Variants in CCSER2 observed in about 807,000 individuals in gnomAD.
CCSER2 encodes serine-rich coiled-coil domain-containing protein 2.
Under a neutral mutation model 92.3 loss-of-function variants are expected in CCSER2, and 46 were observed. The observed-to-expected ratio is 0.50, with a 90% CI of 0.39 to 0.64. The LOEUF (loss-of-function observed/expected upper bound fraction) is 0.64. Among genes scored for constraint, CCSER2 ranks in the 30% least tolerant of loss-of-function variants. The pLI is 0.00. For missense variants in CCSER2, 1,244 were observed against 1,238.9 expected (o/e 1.00, Z -0.06); for synonymous variants, 433 against 431.4 (o/e 1.00, Z -0.04).
intron 9 of CCSER2, among the ~76,000 whole-genome samples, chr10:84,488,909 A>C (rs1448781860): frequency 1.3e-5 from 2 of 152,158 alleles, no homozygotes; most frequent in African/African-American, 4.8e-5. Flanking sequence ...CACTGCTTCA[A>C]ATGTGTCCCA....
At chr10:84,440,213 C>G (rs1173847612) in intron 6 of CCSER2, among the ~76,000 whole-genome samples, 1 of 152,090 alleles carries the variant, frequency 6.6e-6, no homozygotes, top group Non-Finnish European at 1.5e-5. Context: ...CTTAATGGTT[C>G]TTTTCTGTCA....
At chr10:84,395,467 A>G (rs897078767) in intron 3 of CCSER2, among the ~76,000 whole-genome samples, 4 of 152,120 alleles carry the variant, frequency 2.6e-5, no homozygotes. Context: ...AAGTAATTAA[A>G]TATTTTTCAA....
chr10:84,354,129 G>A (rs1377684838), intron 1 of CCSER2, among the ~76,000 whole-genome samples: 2 of 152,110 alleles, frequency 1.3e-5, no homozygotes, highest in Non-Finnish European at 2.9e-5. Flanking sequence ...AGCCCAGGAG[G>A]TCGAGGCTGC....
At chr10:84,468,683 C>A (rs1846599181) in intron 7 of CCSER2, among the ~76,000 whole-genome samples, 1 of 152,134 alleles carries the variant, frequency 6.6e-6, no homozygotes, top group Admixed American at 6.5e-5. Context: ...CATGAAGTTG[C>A]TACATTTTAT....
At chr10:84,452,039 GA>G (rs778964781) in intron 6 of CCSER2, among the ~76,000 whole-genome samples, 8 of 151,876 alleles carry the variant, frequency 5.3e-5, no homozygotes, top group African/African-American at 1.2e-4. Flanking sequence ...ATTTAAAAAA[GA>G]AAAAAAACTT....
intron 1 of CCSER2, among the ~76,000 whole-genome samples, chr10:84,359,371 T>C (rs1408650714): frequency 6.6e-6 from 1 of 152,120 alleles, no homozygotes; most frequent in African/African-American, 2.4e-5. Flanking sequence ...CAAGAACAGG[T>C]TAAACTAATT....
intron 9 of CCSER2, among the ~76,000 whole-genome samples, chr10:84,509,697 C>T (rs1470265328): frequency 2.0e-5 from 3 of 152,126 alleles, no homozygotes; most frequent in African/African-American, 7.2e-5. Context: ...TAACCAAGCC[C>T]TCCACAAGTT....
chr10:84,515,208 G>A lies in CCSER2; in HGVS notation c.*941G>A, dbSNP rs1406305929. On this transcript the variant is annotated 3_prime_UTR_variant, in exon 10 of 10. Coordinates refer to ENST00000372088, the MANE Select transcript of CCSER2 (RefSeq NM_001284240.2). ...TAATATTTATATTTATTGATTTTCT[G>A]CTAATATCTGAAGACTGAAATAATG... 6.6e-6 allele frequency: 1 copy of A among 152,482 alleles called. No individual in the cohort carries two copies. Among genetic ancestry groups the A allele is most frequent in the African/African-American group, 2.4e-5 (1 of 41,362 alleles). The allele number at this position is 152,482 out of a possible 1,614,324, so 9.4% of individuals were successfully genotyped here.
At chr10:84,348,880 T>C (rs1468708049) in intron 1 of CCSER2, among the ~76,000 whole-genome samples, 1 of 152,160 alleles carries the variant, frequency 6.6e-6, no homozygotes, top group East Asian at 1.9e-4. Context: ...CTTTCATATA[T>C]ATGTATATAT....
chr10:84,475,705 A>G (rs1229009178), intron 8 of CCSER2, among the ~76,000 whole-genome samples: 1 of 152,214 alleles, frequency 6.6e-6, no homozygotes, highest in Non-Finnish European at 1.5e-5. Flanking sequence ...TGGAATAAGT[A>G]AAGTGTTTTC....
rs1589718623 is a variant in CCSER2, at chr10:84,457,310, TATATA to T, written c.2065-6617_2065-6613del. ...ATTATATATTATATATAATATGTTA[TATATA>T]ATATATTATATATAATATATTATAT... On this transcript the variant is annotated intron_variant, in intron 6 of 9. Transcript: ENST00000372088. Among the ~76,000 whole-genome samples the T allele has an allele frequency of 7.3e-5, 6 of 82,602 alleles. No individual in the cohort carries two copies. In the East Asian group the frequency reaches 9.6e-4, roughly 13 times the overall value. 54.2% of individuals were successfully genotyped at this position (82,602 alleles called of 152,430 possible).
At chr10:84,339,694 C>T (rs578143633) in intron 1 of CCSER2, among the ~76,000 whole-genome samples, 7 of 150,944 alleles carry the variant, frequency 4.6e-5, no homozygotes, top group Admixed American at 1.3e-4. Flanking sequence ...AGGCTGGTCT[C>T]GAACTCCCAA....
intron 6 of CCSER2, among the ~76,000 whole-genome samples, chr10:84,448,352 C>G (rs181265630): frequency 2.6e-5 from 4 of 152,234 alleles, no homozygotes; most frequent in African/African-American, 9.6e-5. Context: ...AAGTTTGACT[C>G]TAATATCAAG....
At position 84,417,773 on chromosome 10, in the gene CCSER2, T is replaced by A; in HGVS notation, c.1617T>A (p.Asp539Glu). The A allele has an allele frequency of 2.7e-6, 4 of 1,507,404 alleles. No individual in the cohort carries two copies. The highest frequency in any genetic ancestry group is 3.7e-6 in the Non-Finnish European group (4 of 1,082,862). The allele number at this position is 1,507,404 out of a possible 1,614,324, so 93.4% of individuals were successfully genotyped here. ...SYESSEMNSI[D>E]ILNNLESCDL... ...TTTTTTACTGCTTTTGTTCACAGGATATTTTGAATAATCTTGAATCATGTG... is the reference window on the plus strand; with the variant it reads ...TTTTTTACTGCTTTTGTTCACAGGAAATTTTGAATAATCTTGAATCATGTG... The change falls in exon 4 of 10, where the codon GAT becomes GAA. Residue 539 changes from aspartate to glutamate, a missense_variant and splice_region_variant. Transcript: ENST00000372088.
chr10:84,457,317 T>C lies in CCSER2; in HGVS notation c.2065-6616T>C, dbSNP rs1390097509. ...ATTATATATAATATGTTATATATAA[T>C]ATATTATATATAATATATTATATAT... On this transcript the variant is annotated intron_variant, in intron 6 of 9. Coordinates refer to ENST00000372088, the MANE Select transcript of CCSER2 (RefSeq NM_001284240.2). Among the ~76,000 whole-genome samples the C allele has an allele frequency of 6.2e-4, 44 of 71,416 alleles. 2 individuals carry two copies. Among genetic ancestry groups the C allele is most frequent in the Admixed American group, 1.6e-3 (6 of 3,654 alleles). 46.9% of individuals were successfully genotyped at this position (71,416 alleles called of 152,430 possible).
intron 6 of CCSER2, among the ~76,000 whole-genome samples, chr10:84,445,288 G>A (rs1313871991): frequency 2.0e-5 from 3 of 152,106 alleles, no homozygotes; most frequent in Non-Finnish European, 4.4e-5. Context: ...TGAGTAGCTG[G>A]GACTACAGGC....
At chr10:84,457,368 A>ATATAT in intron 6 of CCSER2, among the ~76,000 whole-genome samples, 1 of 83,678 alleles carries the variant, frequency 1.2e-5, no homozygotes, top group African/African-American at 4.8e-5. Flanking sequence ...TATTTATTTT[A>ATATAT]AATATATATT....
chr10:84,454,100 G>T (rs142667853), intron 6 of CCSER2, among the ~76,000 whole-genome samples: 1 of 152,136 alleles, frequency 6.6e-6, no homozygotes, highest in Non-Finnish European at 1.5e-5. Context: ...AAACCAAGGC[G>T]TTGTCATCAG....
intron 1 of CCSER2, among the ~76,000 whole-genome samples, chr10:84,350,001 A>G (rs765848194): frequency 2.6e-5 from 4 of 152,080 alleles, no homozygotes; most frequent in Non-Finnish European, 5.9e-5. Flanking sequence ...TCAAAATACA[A>G]AAATTAGCCA....
Sources: gnomAD v4.1 joint callset for allele counts (sites outside exome capture counted in the v4.1 genomes callset) on GRCh38, gnomAD v4.1.1 for gene constraint, MANE v1.5 for transcripts, NCBI Gene and HGNC (gene_info 2026-07-23, HGNC 2026-07-21) for gene names.